LIPA: variants seen among roughly 807,000 people sequenced by gnomAD.
LIPA encodes lipase A, lysosomal acid type.
In LIPA, 26 loss-of-function variants were observed where a neutral mutation model predicts 40.6. That is an observed-to-expected ratio of 0.64 (90% CI 0.47 to 0.89). The LOEUF (loss-of-function observed/expected upper bound fraction) is 0.89. Ranked by LOEUF, LIPA falls within the 40% of genes least tolerant of loss-of-function variation. LIPA has a pLI of 0.00. For synonymous variants in LIPA, 188 were observed against 168.4 expected (o/e 1.12, Z -0.90); for missense variants, 455 against 479.6 (o/e 0.95, Z 0.48).
chr10:89,322,439 T>C (rs1019381462), intron 1 of LIPA, among the ~76,000 whole-genome samples: 1 of 151,028 alleles, frequency 6.6e-6, no homozygotes, highest in South Asian at 2.1e-4. Context: ...GGGCTCAGCG[T>C]GGATCCAGGA....
chr10:89,370,253 C>T (rs1844084644), intron 2 of LIPA, among the ~76,000 whole-genome samples: 1 of 151,088 alleles, frequency 6.6e-6, no homozygotes, highest in Non-Finnish European at 1.5e-5. Context: ...GAGACAGGAT[C>T]TGTCTCTGTT....
intron 1 of LIPA, among the ~76,000 whole-genome samples, chr10:89,320,283 T>C (rs1459028031): frequency 1.3e-5 from 2 of 152,206 alleles, no homozygotes; most frequent in African/African-American, 4.8e-5. Context: ...AAATTGTCCC[T>C]GTGTGCAGAT....
chr10:89,406,134 G>T (rs1283596717), intron 2 of LIPA: 1 of 152,194 alleles, frequency 6.6e-6, no homozygotes, highest in African/African-American at 2.4e-5. Context: ...ACATGTGCAG[G>T]ATGTTCAGGT....
chr10:89,407,318 C>A (rs1841428020), intron 2 of LIPA, among the ~76,000 whole-genome samples: 1 of 152,188 alleles, frequency 6.6e-6, no homozygotes, highest in Non-Finnish European at 1.5e-5. Context: ...TTCTCCGAGG[C>A]TAGTCCCGCT....
rs371261317 is a variant in LIPA at position 89,361,572 on chromosome 10, G to A, written c.61+51219C>T. On this transcript the variant is annotated intron_variant, in intron 2 of 8. Transcript: ENST00000371837. Reference sequence around the variant, plus strand: ...TCCTGAGAAACGAAAGTGTCATATAGCATTGAGGAGTTCAAAACCTATCTA... The same window carrying A: ...TCCTGAGAAACGAAAGTGTCATATAACATTGAGGAGTTCAAAACCTATCTA... Among the ~76,000 whole-genome samples the A allele has an allele frequency of 4.3e-4, 66 of 152,230 alleles. 2 individuals are homozygous for A. In the South Asian group the frequency reaches 0.013, roughly 31 times the overall value.
At chr10:89,403,576 C>T in intron 2 of LIPA, 1 of 1,613,882 alleles carries the variant, frequency 6.2e-7, no homozygotes, top group Non-Finnish European at 8.5e-7. Context: ...CGGAGAAAGG[C>T]ATTAGATCTG....
chr10:89,368,716 C>T lies in LIPA; in HGVS notation c.61+44075G>A, dbSNP rs1485446183. On this transcript the variant is annotated intron_variant, in intron 2 of 8. Coordinates refer to the LIPA transcript ENST00000371837. Reference sequence around the variant, plus strand: ...AGAAAAAAGGAATAGCCAGGTCTAACACATCAGGTAAGTTGTCCACTTTTC... The same window carrying T: ...AGAAAAAAGGAATAGCCAGGTCTAATACATCAGGTAAGTTGTCCACTTTTC... Among the ~76,000 whole-genome samples, 5 of 152,242 alleles carry T rather than the reference C, an allele frequency of 3.3e-5. No homozygotes were observed. The South Asian group carries it at 8.3e-4, about 25-fold the overall frequency.
chr10:89,219,351 T>C (rs1404869387), intron 8 of LIPA, among the ~76,000 whole-genome samples: 1 of 152,104 alleles, frequency 6.6e-6, no homozygotes, highest in Non-Finnish European at 1.5e-5. Flanking sequence ...GATGGCCTTC[T>C]TCAAACAGGT....
chr10:89,338,027 G>T (rs1424795983), intron 1 of LIPA, among the ~76,000 whole-genome samples: 1 of 152,112 alleles, frequency 6.6e-6, no homozygotes, highest in Non-Finnish European at 1.5e-5. Context: ...CTAATGTAAG[G>T]GTTCTGAGCA....
In LIPA at chr10:89,225,145, A is replaced by G; in HGVS notation, c.622T>C (p.Phe208Leu). 1 of 1,614,178 alleles carries G rather than the reference A, an allele frequency of 6.2e-7. No individual in the cohort carries two copies. The highest frequency in any genetic ancestry group is 8.5e-7 in the Non-Finnish European group (1 of 1,180,022). The change falls in exon 6 of 10, where the codon TTC becomes CTC. Residue 208 changes from phenylalanine to leucine, a missense_variant. Coordinates refer to ENST00000336233, the MANE Select transcript of LIPA (RefSeq NM_000235.4). ...AATTTGGCCATAGGGCTAGTACAGA[A>G]GGCGACGGAAGCCACAGGACCCAGG... ...FALGPVASVAFCTSPMAKLGR... is the reference protein window; with the variant it reads ...FALGPVASVALCTSPMAKLGR...
chr10:89,395,312 T>G (rs1240274879), intron 2 of LIPA, among the ~76,000 whole-genome samples: 1 of 151,488 alleles, frequency 6.6e-6, no homozygotes, highest in Non-Finnish European at 1.5e-5. Context: ...GAAACCCACC[T>G]AGGTAACGCC....
intron 2 of LIPA, among the ~76,000 whole-genome samples, chr10:89,386,638 G>C (rs1844212193): frequency 6.6e-6 from 1 of 152,088 alleles, no homozygotes; most frequent in Non-Finnish European, 1.5e-5. Context: ...TCTTCTAACT[G>C]GACAACTCTA....
intron 1 of LIPA, among the ~76,000 whole-genome samples, chr10:89,272,710 C>A (rs1342599397): frequency 6.6e-6 from 1 of 152,244 alleles, no homozygotes; most frequent in Non-Finnish European, 1.5e-5. Context: ...TACACTCCCA[C>A]CAACAGTGTA....
At chr10:89,322,292 A>G (rs1231288664) in intron 1 of LIPA, among the ~76,000 whole-genome samples, 1 of 152,180 alleles carries the variant, frequency 6.6e-6, no homozygotes. Context: ...GCTATCACGG[A>G]AAGGAAACAA....
intron 9 of LIPA, among the ~76,000 whole-genome samples, 181 bp from the exon 10 acceptor site, chr10:89,215,242 C>A (rs942184932): frequency 6.6e-6 from 1 of 152,122 alleles, no homozygotes; most frequent in Non-Finnish European, 1.5e-5. Context: ...GAAATCTAAC[C>A]CCAAATGAGA....
At chr10:89,380,043 A>C (rs1304756373) in intron 2 of LIPA, among the ~76,000 whole-genome samples, 1 of 152,106 alleles carries the variant, frequency 6.6e-6, no homozygotes, top group Non-Finnish European at 1.5e-5. Flanking sequence ...TCAAAAAAAA[A>C]AAAAAACAAA....
chr10:89,223,189 C>CG (rs1211883749), intron 7 of LIPA, among the ~76,000 whole-genome samples: 2 of 151,850 alleles, frequency 1.3e-5, no homozygotes, highest in Admixed American at 6.6e-5. Context: ...ATTTTAGATT[C>CG]GGGGGGTCCA....
At chr10:89,292,682 C>T (rs1843381285) in intron 1 of LIPA, among the ~76,000 whole-genome samples, 1 of 152,076 alleles carries the variant, frequency 6.6e-6, no homozygotes, top group African/African-American at 2.4e-5. Flanking sequence ...TTTTAGAGAC[C>T]TAGTCACGTT....
chr10:89,258,096 A>T (rs974182745), intron 1 of LIPA, among the ~76,000 whole-genome samples: 1 of 152,238 alleles, frequency 6.6e-6, no homozygotes, highest in Non-Finnish European at 1.5e-5. Context: ...GCCTTTTAAA[A>T]ATAAGAATAC....
Sources: gnomAD v4.1 joint callset for allele counts (sites outside exome capture counted in the v4.1 genomes callset) on GRCh38, gnomAD v4.1.1 for gene constraint, MANE v1.5 for transcripts, NCBI Gene and HGNC (gene_info 2026-07-23, HGNC 2026-07-21) for gene names.